Variants in GPHN observed in about 807,000 individuals in gnomAD.
The protein encoded by GPHN is gephyrin.
In GPHN, 17 loss-of-function variants were observed where a neutral mutation model predicts 95.5. The observed-to-expected ratio is 0.18, with a 90% CI of 0.12 to 0.27. GPHN has a LOEUF of 0.27. Among genes scored for constraint, GPHN ranks in the 10% least tolerant of loss-of-function variants. GPHN has a pLI of 1.00. For missense variants in GPHN, 660 were observed against 978.1 expected (o/e 0.67, Z 4.34); for synonymous variants, 320 against 322.5 (o/e 0.99, Z 0.08).
the GPHN span, chr14:67,387,586 A>G: frequency 4.2e-6 from 4 of 956,830 alleles, no homozygotes; most frequent in African/African-American, 1.7e-5. Context: ...TAAAAGGTTT[A>G]CAGTTAGAGA....
chr14:66,576,701 C>T (rs1047485769), intron 1 of GPHN, among the ~76,000 whole-genome samples: 7 of 152,056 alleles, frequency 4.6e-5, no homozygotes, highest in African/African-American at 9.7e-5. Context: ...AATACCTTCA[C>T]GTCAATCCCT....
chr14:67,232,933 C>T, the GPHN span, among the ~76,000 whole-genome samples: 5 of 152,110 alleles, frequency 3.3e-5, 1 homozygote, highest in East Asian at 9.7e-4. Context: ...GGTCCTAGCA[C>T]CAGCTACAGA....
In GPHN at chr14:66,567,020, T is replaced by C. The variant is rs111977663; in HGVS notation, c.64+58429T>C. 3.6e-3 allele frequency among the ~76,000 whole-genome samples: 554 copies of C among 152,330 alleles called. 12 individuals are homozygous for C. The highest frequency in any genetic ancestry group is 0.013 in the African/African-American group (528 of 41,576). On this transcript the variant is annotated intron_variant, in intron 1 of 22. Transcript: ENST00000478722. ...CTATGTTTTAAAATGGAGCTAGCAC[T>C]GCTCAGGTAGGCAGGGCGTATCAGG...
intron 2 of GPHN, among the ~76,000 whole-genome samples, chr14:66,696,119 G>A (rs868617390): frequency 1.3e-5 from 2 of 152,142 alleles, no homozygotes; most frequent in South Asian, 2.1e-4. Flanking sequence ...AGGGATATAT[G>A]GGAAATTATA....
At chr14:66,573,881 C>T (rs1335288909) in intron 1 of GPHN, among the ~76,000 whole-genome samples, 2 of 152,154 alleles carry the variant, frequency 1.3e-5, no homozygotes, top group African/African-American at 2.4e-5. Context: ...CACATTCAAC[C>T]AATTTGTGTC....
At chr14:67,670,696 TTTTTGTATTTTGAGTAGAGATGGG>T in the GPHN span, among the ~76,000 whole-genome samples, 1 of 152,100 alleles carries the variant, frequency 6.6e-6, no homozygotes, top group Admixed American at 6.5e-5. Context: ...ACCCAGCTAA[TTTTTGTATTTTGAGTAGAGATGGG>T]GTTTCACCAT....
At chr14:67,043,490 G>A (rs944570454) in intron 10 of GPHN, among the ~76,000 whole-genome samples, 2 of 151,852 alleles carry the variant, frequency 1.3e-5, no homozygotes, top group Admixed American at 1.3e-4. Context: ...TAAGATAATC[G>A]TGTTTTTTGT....
chr14:66,624,115 G>A (rs897055954), intron 1 of GPHN, among the ~76,000 whole-genome samples: 2 of 152,076 alleles, frequency 1.3e-5, no homozygotes, highest in African/African-American at 4.8e-5. Context: ...GCATTTTGTG[G>A]CCATTGTAAG....
At chr14:67,021,335 T>C (rs1040333006) in intron 9 of GPHN, among the ~76,000 whole-genome samples, 2 of 152,086 alleles carry the variant, frequency 1.3e-5, no homozygotes, top group African/African-American at 4.8e-5. Context: ...GGGAAAGCAT[T>C]GATTATACTG....
rs751400406 is a variant in GPHN at position 66,611,558 on chromosome 14, G to A, written c.65-69549G>A. Among the ~76,000 whole-genome samples, 221 of 152,050 alleles carry A rather than the reference G, an allele frequency of 1.5e-3. 6 individuals carry two copies. The highest frequency in any genetic ancestry group is 3.7e-4 in the Non-Finnish European group (25 of 67,986). On this transcript the variant is annotated intron_variant, in intron 1 of 22. Transcript: ENST00000478722. ...AAAACTGAAATTTCAACATTAATTG[G>A]ATTGGCACTTCTAGTTGTAAATCAG...
At chr14:67,233,156 T>C in the GPHN span, among the ~76,000 whole-genome samples, 1 of 95,628 alleles carries the variant, frequency 1.0e-5, no homozygotes, top group African/African-American at 8.2e-5. Flanking sequence ...ATTTTATTTT[T>C]TTGGAGACAT....
At chr14:67,144,258 T>TAC (rs1567400666) in intron 18 of GPHN, among the ~76,000 whole-genome samples, 2 of 85,910 alleles carry the variant, frequency 2.3e-5, no homozygotes, top group African/African-American at 1.2e-4. Flanking sequence ...AAAATATATA[T>TAC]ATATATATAT....
chr14:67,713,830 C>A, the GPHN span, among the ~76,000 whole-genome samples: 5 of 152,098 alleles, frequency 3.3e-5, no homozygotes, highest in East Asian at 1.9e-4. Context: ...TCGGTTTGGT[C>A]TGGAAAGGAG....
intron 6 of GPHN, among the ~76,000 whole-genome samples, chr14:66,918,732 G>A (rs2066045983): frequency 6.6e-6 from 1 of 151,970 alleles, no homozygotes; most frequent in African/African-American, 2.4e-5. Context: ...TTCCTATTAG[G>A]CGTGAAATTC....
intron 1 of GPHN, among the ~76,000 whole-genome samples, chr14:66,588,565 A>G (rs888899058): frequency 5.9e-5 from 9 of 152,228 alleles, no homozygotes; most frequent in African/African-American, 1.9e-4. Flanking sequence ...GAGCTGAAAA[A>G]CAGCACAACA....
chr14:66,730,044 A>G (rs1413675452), intron 2 of GPHN, among the ~76,000 whole-genome samples: 3 of 152,234 alleles, frequency 2.0e-5, no homozygotes, highest in Non-Finnish European at 4.4e-5. Flanking sequence ...GGTTAAATTA[A>G]TGGAAACAAC....
intron 1 of GPHN, among the ~76,000 whole-genome samples, chr14:66,577,698 A>T (rs2060965934): frequency 6.6e-6 from 1 of 151,916 alleles, no homozygotes. Flanking sequence ...TTAGAGACTG[A>T]TTTTTCAATT....
At chr14:66,598,161 A>G (rs1428364788) in intron 1 of GPHN, among the ~76,000 whole-genome samples, 1 of 152,214 alleles carries the variant, frequency 6.6e-6, no homozygotes, top group Non-Finnish European at 1.5e-5. Context: ...GTTAAAAGAC[A>G]GAAAAATTTA....
the GPHN span, among the ~76,000 whole-genome samples, chr14:67,319,153 T>C: frequency 2.0e-5 from 3 of 152,202 alleles, no homozygotes; most frequent in African/African-American, 7.2e-5. Flanking sequence ...CAAGTGTAGT[T>C]TGAGCTCCTG....
Sources: allele counts gnomAD v4.1 joint callset (sites outside exome capture counted in the v4.1 genomes callset), GRCh38; gene constraint gnomAD v4.1.1; transcripts MANE v1.5; gene names NCBI Gene and HGNC (gene_info 2026-07-23, HGNC 2026-07-21).